Variants in ATP11C observed in about 807,000 individuals in gnomAD.
ATP11C encodes ATPase phospholipid transporting 11C (ATP11C blood group).
A neutral mutation model predicts 97.4 loss-of-function variants in ATP11C; 36 were observed. The observed-to-expected ratio is 0.37, with a 90% confidence interval of 0.28 to 0.49. The LOEUF is 0.49. Ranked by LOEUF, ATP11C falls within the 20% of genes least tolerant of loss-of-function variation. The pLI is 0.98. For synonymous variants in ATP11C, 275 were observed against 290.9 expected (o/e 0.95, Z 0.56); for missense variants, 730 against 824.6 (o/e 0.89, Z 1.40).
intron 1 of ATP11C, among the ~76,000 whole-genome samples, chrX:139,917,775 G>T (rs1216341029): frequency 9.1e-6 from 1 of 110,281 alleles, no homozygotes; most frequent in African/African-American, 3.3e-5. Flanking sequence ...GGCCAACATG[G>T]TGAAACCCAG....
At chrX:139,880,979 G>A (rs2084552594) in intron 1 of ATP11C, among the ~76,000 whole-genome samples, 1 of 111,832 alleles carries the variant, frequency 8.9e-6, no homozygotes, top group African/African-American at 3.2e-5. Context: ...CAGGTCCATA[G>A]AGTTGGGTTG....
intron 1 of ATP11C, among the ~76,000 whole-genome samples, chrX:139,860,474 C>G (rs1335507443): frequency 3.6e-5 from 4 of 112,022 alleles, no homozygotes; most frequent in African/African-American, 1.3e-4. Context: ...GTTTCTGGGT[C>G]TCATATATCC....
chrX:139,750,095 T>C lies in ATP11C; in HGVS notation c.2758A>G (p.Ile920Val). 8.3e-7 allele frequency: 1 copy of C among 1,203,877 alleles called. No homozygotes were observed. The highest frequency in any genetic ancestry group is 1.1e-6 in the Non-Finnish European group (1 of 889,608). ...MYNICFTSLP[I>V]LAYSLLEQHI... is the part of the protein sequence containing the mutation. ...TGTTCCAGTAGACTATAGGCCAGGA[T>C]GGGCAAGGATGTGAAGCAGATATTG... The change falls in exon 24 of 30, where the codon ATC becomes GTC. Residue 920 changes from isoleucine to valine, a missense_variant. Coordinates refer to ENST00000682941, the MANE Select transcript of ATP11C (RefSeq NM_001353812.2).
intron 6 of ATP11C, 129 bp downstream of exon 6, chrX:139,804,342 C>T (rs763455369): frequency 6.8e-5 from 35 of 516,760 alleles, no homozygotes; most frequent in Admixed American, 1.6e-4. Flanking sequence ...CATAACAGCT[C>T]TTTTCAAATA....
intron 12 of ATP11C, among the ~76,000 whole-genome samples, chrX:139,794,173 G>C (rs1373670335): frequency 1.8e-5 from 2 of 112,065 alleles, no homozygotes; most frequent in Non-Finnish European, 3.8e-5. Context: ...ACTTCCTTTT[G>C]TTTCTCATGT....
intron 1 of ATP11C, among the ~76,000 whole-genome samples, chrX:139,912,130 A>AC (rs1379078810): frequency 2.4e-4 from 22 of 90,977 alleles, no homozygotes; most frequent in African/African-American, 9.8e-4. Flanking sequence ...AGCCAAGATC[A>AC]CCCCACTGCA....
chrX:139,759,421 T>TTA (rs1479219400), intron 22 of ATP11C, among the ~76,000 whole-genome samples: 1 of 112,191 alleles, frequency 8.9e-6, no homozygotes, highest in Non-Finnish European at 1.9e-5. Context: ...TATTTTAAAC[T>TTA]TATATGGTAA....
At chrX:139,816,829 G>T in intron 4 of ATP11C, 34 bp downstream of exon 4, 1 of 1,014,016 alleles carries the variant, frequency 9.9e-7, no homozygotes, top group Non-Finnish European at 1.4e-6. Flanking sequence ...AGCCTGGACT[G>T]AAATGCAGGT....
intron 5 of ATP11C, among the ~76,000 whole-genome samples, chrX:139,807,227 A>G (rs2083063250): frequency 9.0e-6 from 1 of 111,071 alleles, no homozygotes; most frequent in Non-Finnish European, 1.9e-5. Flanking sequence ...AACCTCTGGG[A>G]CTCGGGAATA....
intron 1 of ATP11C, among the ~76,000 whole-genome samples, chrX:139,894,374 G>A (rs1230180506): frequency 2.7e-5 from 3 of 111,970 alleles, no homozygotes; most frequent in Non-Finnish European, 5.6e-5. Flanking sequence ...CACTACTTAC[G>A]AATACGAAAT....
intron 20 of ATP11C, among the ~76,000 whole-genome samples, chrX:139,766,275 A>C (rs1318413433): frequency 1.8e-5 from 2 of 112,054 alleles, no homozygotes; most frequent in East Asian, 5.6e-4. Flanking sequence ...AAGTGGTGGC[A>C]TAATTAAGGT....
intron 23 of ATP11C, among the ~76,000 whole-genome samples, chrX:139,756,968 TA>T (rs756085784): frequency 0.014 from 540 of 37,255 alleles, 4 homozygotes; most frequent in African/African-American, 0.046. Flanking sequence ...AACCTAAAAG[TA>T]AAAAAAAAAA....
chrX:139,747,245 T>C (rs892643445), intron 24 of ATP11C, among the ~76,000 whole-genome samples: 1 of 111,916 alleles, frequency 8.9e-6, no homozygotes, highest in Non-Finnish European at 1.9e-5. Flanking sequence ...GTCACTGACT[T>C]GGGCTGGGGA....
At chrX:139,787,442 T>C (rs1399345488) in intron 14 of ATP11C, among the ~76,000 whole-genome samples, 198 bp from the exon 15 acceptor site, 2 of 111,176 alleles carry the variant, frequency 1.8e-5, no homozygotes, top group Non-Finnish European at 3.8e-5. Flanking sequence ...AGATTACAGG[T>C]GTGTGTCACC....
chrX:139,824,812 AG>A (rs1389200683), intron 2 of ATP11C, among the ~76,000 whole-genome samples: 2 of 112,393 alleles, frequency 1.8e-5, no homozygotes, highest in Non-Finnish European at 3.7e-5. Flanking sequence ...TGTAAACAAA[AG>A]CGGCATCCAA....
chrX:139,763,806 G>A (rs895564625), intron 20 of ATP11C, among the ~76,000 whole-genome samples: 1 of 111,802 alleles, frequency 8.9e-6, no homozygotes, highest in African/African-American at 3.3e-5. Flanking sequence ...CCATGGATAC[G>A]GAGGGCCAAC....
chrX:139,788,058 A>C (rs17281990), intron 14 of ATP11C, 134 bp downstream of exon 14: 26,915 of 589,233 alleles, frequency 0.046, 1,599 homozygotes, highest in East Asian at 0.33. Context: ...TTTTTGGCTA[A>C]AGCAGTTGTG....
intron 1 of ATP11C, among the ~76,000 whole-genome samples, chrX:139,854,681 TA>T (rs758906344): frequency 8.9e-6 from 1 of 112,544 alleles, no homozygotes; most frequent in African/African-American, 3.2e-5. Flanking sequence ...CTCCTGAATG[TA>T]AAACTATTGC....
At chrX:139,820,296 G>A (rs1370754462) in intron 2 of ATP11C, among the ~76,000 whole-genome samples, 1 of 110,609 alleles carries the variant, frequency 9.0e-6, no homozygotes, top group Non-Finnish European at 1.9e-5. Flanking sequence ...AGCTACTTGA[G>A]AGGCTAAGAC....
Sources: gnomAD v4.1 joint callset for allele counts (sites outside exome capture counted in the v4.1 genomes callset) on GRCh38, gnomAD v4.1.1 for gene constraint, MANE v1.5 for transcripts, NCBI Gene and HGNC (gene_info 2026-07-23, HGNC 2026-07-21) for gene names.